INPP4B: variants seen among roughly 807,000 people sequenced by gnomAD.
INPP4B encodes the protein inositol polyphosphate 4-phosphatase type II.
A neutral mutation model predicts 122.5 loss-of-function variants in INPP4B; 55 were observed. That is an observed-to-expected ratio of 0.45 (90% CI 0.36 to 0.56). INPP4B has a LOEUF of 0.56. Among genes scored for constraint, INPP4B ranks in the 20% least tolerant of loss-of-function variants. The probability of loss-of-function intolerance (pLI) is 0.00; values close to 1 mark genes in which losing one functional copy is unlikely to be tolerated. For synonymous variants in INPP4B, 403 were observed against 388.7 expected, an observed-to-expected ratio of 1.04 and a Z score of -0.43; for missense variants, 1,000 against 1,097.7, an observed-to-expected ratio of 0.91 and a Z score of 1.26.
At chr4:142,622,185 TC>T (rs1745091855) in intron 2 of INPP4B, among the ~76,000 whole-genome samples, 1 of 151,840 alleles carries the variant, frequency 6.6e-6, no homozygotes, top group African/African-American at 2.4e-5. Context: ...CCCAAAAAGC[TC>T]AATGTGGGCC....
Position 142,399,417 on chromosome 4 carries a change from A to T in INPP4B, c.372+3521T>A, listed in dbSNP as rs1800876649. Among the ~76,000 whole-genome samples the T allele has an allele frequency of 2.0e-5, 3 of 151,672 alleles. No individual in the cohort carries two copies. In the South Asian group the frequency reaches 6.2e-4, roughly 32 times the overall value. ...TCACCATGTTGGCTAGGATGGTCTC[A>T]ATCTCTTGACCTCATGATCCACCCA... is the stretch of plus-strand genomic sequence containing the variant. On this transcript the variant is annotated intron_variant, in intron 7 of 25. Coordinates refer to ENST00000262992, the MANE Select transcript of INPP4B (RefSeq NM_001101669.3).
At chr4:142,843,162 A>G (rs1417707961) in intron 1 of INPP4B, among the ~76,000 whole-genome samples, 1 of 151,464 alleles carries the variant, frequency 6.6e-6, no homozygotes, top group Non-Finnish European at 1.5e-5. Flanking sequence ...TTCTAGGTAT[A>G]TACTGCTCTA....
intron 25 of INPP4B, among the ~76,000 whole-genome samples, chr4:142,068,160 G>C (rs578209798): frequency 5.9e-5 from 9 of 152,214 alleles, no homozygotes; most frequent in East Asian, 1.9e-4. Context: ...AGCCAGAAGA[G>C]AGTGGGGGCC....
intron 5 of INPP4B, among the ~76,000 whole-genome samples, chr4:142,419,067 CATT>C (rs1160283095): frequency 1.3e-5 from 2 of 151,962 alleles, no homozygotes; most frequent in African/African-American, 4.8e-5. Context: ...ATCAAGAAGG[CATT>C]ATGGTTTGGG....
In INPP4B at chr4:142,444,888, C is replaced by T. The variant is rs568512737; in HGVS notation, c.-126-13503G>A. On this transcript the variant is annotated intron_variant, in intron 3 of 25. Transcript: ENST00000262992. Reference sequence around the variant, plus strand: ...GCAGGGATATGGACGAAGCTGGAAACCATCATTCTCAGCAAACACACAGCC... The same window carrying T: ...GCAGGGATATGGACGAAGCTGGAAATCATCATTCTCAGCAAACACACAGCC... Among the ~76,000 whole-genome samples, 3 of 152,086 alleles carry T rather than the reference C, an allele frequency of 2.0e-5. No individual in the cohort carries two copies. The South Asian group carries it at 6.2e-4, about 32-fold the overall frequency.
intron 2 of INPP4B, among the ~76,000 whole-genome samples, chr4:142,537,429 T>TATATATAGAGAG (rs1200701380): frequency 1.3e-3 from 32 of 25,478 alleles, no homozygotes; most frequent in Non-Finnish European, 2.1e-3. Context: ...TATATATATA[T>TATATATAGAGAG]AGAGAGAGAG....
chr4:142,755,693 A>C (rs574396356), intron 1 of INPP4B, among the ~76,000 whole-genome samples: 2 of 152,208 alleles, frequency 1.3e-5, no homozygotes, highest in African/African-American at 4.8e-5. Flanking sequence ...AAGAGAAATA[A>C]AATAACATGT....
At chr4:142,333,509 C>T (rs1775475144) in intron 7 of INPP4B, among the ~76,000 whole-genome samples, 2 of 152,062 alleles carry the variant, frequency 1.3e-5, no homozygotes, top group African/African-American at 2.4e-5. Context: ...TATTTTGTTA[C>T]AATATATTAC....
At chr4:142,610,567 G>A (rs1742260238) in intron 2 of INPP4B, among the ~76,000 whole-genome samples, 1 of 151,956 alleles carries the variant, frequency 6.6e-6, no homozygotes, top group African/African-American at 2.4e-5. Flanking sequence ...TTTCATATTT[G>A]TAAATTAAAA....
chr4:142,552,978 A>C (rs1000886490), intron 2 of INPP4B, among the ~76,000 whole-genome samples: 2 of 152,162 alleles, frequency 1.3e-5, no homozygotes, highest in Admixed American at 1.3e-4. Context: ...TCCATTATGC[A>C]AGACACAATA....
chr4:142,731,430 A>C (rs1031705658), intron 1 of INPP4B, among the ~76,000 whole-genome samples: 6 of 152,220 alleles, frequency 3.9e-5, no homozygotes, highest in Non-Finnish European at 8.8e-5. Flanking sequence ...AAGGCAGTCT[A>C]CATTTTGATG....
intron 2 of INPP4B, among the ~76,000 whole-genome samples, chr4:142,513,929 T>A (rs1045193977): frequency 6.6e-6 from 1 of 152,098 alleles, no homozygotes; most frequent in African/African-American, 2.4e-5. Context: ...TTTAAAAAAA[T>A]CAACCAGGTA....
chr4:142,219,299 T>A (rs1301109182), intron 12 of INPP4B, among the ~76,000 whole-genome samples: 1 of 152,092 alleles, frequency 6.6e-6, no homozygotes, highest in Middle Eastern at 3.2e-3. Flanking sequence ...CCAGATTCTA[T>A]AATTTAATTT....
At chr4:142,566,253 A>T (rs2150140884) in intron 2 of INPP4B, 1 of 152,340 alleles carries the variant, frequency 6.6e-6, no homozygotes, top group South Asian at 2.1e-4. Context: ...CCTGTAAGTG[A>T]TCTATTACAT....
intron 17 of INPP4B, 92 bp downstream of exon 17, chr4:142,160,266 T>C: frequency 1.0e-6 from 1 of 972,092 alleles, no homozygotes; most frequent in South Asian, 3.7e-5. Context: ...TTTTTTTCCA[T>C]TTTTTAAAAT....
chr4:142,199,237 G>T (rs971577667), intron 14 of INPP4B, among the ~76,000 whole-genome samples: 2 of 151,700 alleles, frequency 1.3e-5, no homozygotes, highest in Non-Finnish European at 2.9e-5. Context: ...TGCTCAATTC[G>T]GTTTGTCTTG....
chr4:142,472,794 C>T (rs908168084), intron 2 of INPP4B, among the ~76,000 whole-genome samples: 1 of 152,162 alleles, frequency 6.6e-6, no homozygotes, highest in African/African-American at 2.4e-5. Flanking sequence ...CAGAAGAATA[C>T]AAACTTGCAT....
chr4:142,164,703 T>G (rs1821845093), intron 16 of INPP4B, among the ~76,000 whole-genome samples: 1 of 151,794 alleles, frequency 6.6e-6, no homozygotes. Flanking sequence ...AACCCTCAAG[T>G]GCACTCTTTC....
At chr4:142,117,816 TAAAGGGTATTCAATTAGGAAA>T (rs1341031931) in intron 21 of INPP4B, among the ~76,000 whole-genome samples, 1 of 152,042 alleles carries the variant, frequency 6.6e-6, no homozygotes, top group Admixed American at 6.6e-5. Flanking sequence ...GAGAAGGAAA[TAAAGGGTATTCAATTAGGAAA>T]AGAGGAAGTC....
Sources: allele counts gnomAD v4.1 joint callset (sites outside exome capture counted in the v4.1 genomes callset), GRCh38; gene constraint gnomAD v4.1.1; transcripts MANE v1.5; gene names NCBI Gene and HGNC (gene_info 2026-07-23, HGNC 2026-07-21).